MACROD2: variants seen among roughly 807,000 people sequenced by gnomAD.
MACROD2 encodes mono-ADP ribosylhydrolase 2.
Under a neutral mutation model 70.4 loss-of-function variants are expected in MACROD2, and 36 were observed. The observed-to-expected ratio is 0.51, with a 90% confidence interval of 0.39 to 0.68. The LOEUF (loss-of-function observed/expected upper bound fraction) is 0.68. Ranked by LOEUF, MACROD2 falls within the 30% of genes least tolerant of loss-of-function variation. The probability of loss-of-function intolerance (pLI) is 0.00; values close to 1 mark genes in which losing one functional copy is unlikely to be tolerated. For synonymous variants in MACROD2, 172 were observed against 178.8 expected (o/e 0.96, Z 0.30); for missense variants, 496 against 538.4 (o/e 0.92, Z 0.78).
At chr20:14,064,682 T>A (rs2053734650) in intron 2 of MACROD2, among the ~76,000 whole-genome samples, 1 of 152,192 alleles carries the variant, frequency 6.6e-6, no homozygotes, top group Non-Finnish European at 1.5e-5. Context: ...GAGATCTGTG[T>A]TTCCATTTAG....
intron 8 of MACROD2, among the ~76,000 whole-genome samples, chr20:15,514,690 C>A (rs1490089567): frequency 1.3e-5 from 2 of 152,150 alleles, no homozygotes; most frequent in African/African-American, 2.4e-5. Flanking sequence ...GTATTGAGTG[C>A]TTCCTTTGTC....
chr20:15,121,462 G>A (rs1349628875), intron 5 of MACROD2, among the ~76,000 whole-genome samples: 4 of 144,604 alleles, frequency 2.8e-5, no homozygotes, highest in African/African-American at 5.2e-5. Flanking sequence ...GCAGTGAGCC[G>A]AGATCGAGCC....
chr20:15,421,105 C>T (rs549764996), intron 6 of MACROD2, among the ~76,000 whole-genome samples: 15 of 152,124 alleles, frequency 9.9e-5, no homozygotes, highest in East Asian at 9.7e-4. Context: ...CACAAGGGTG[C>T]GGTGGCTCAT....
intron 4 of MACROD2, among the ~76,000 whole-genome samples, chr20:14,544,573 T>C (rs560877423): frequency 6.6e-6 from 1 of 152,278 alleles, no homozygotes; most frequent in East Asian, 1.9e-4. Flanking sequence ...GCAATGATGA[T>C]GATGGTGATA....
chr20:14,892,476 T>A (rs982021117), intron 5 of MACROD2, among the ~76,000 whole-genome samples: 8 of 152,022 alleles, frequency 5.3e-5, no homozygotes, highest in Non-Finnish European at 1.2e-4. Flanking sequence ...AAACAAAAAA[T>A]CTAATGTAGA....
Position 15,429,336 on chromosome 20 carries a change from T to A in MACROD2, c.541-2069T>A, listed in dbSNP as rs1244310392. 2.0e-5 allele frequency among the ~76,000 whole-genome samples: 3 copies of A among 152,158 alleles called. No individual in the cohort carries two copies. In the South Asian group the frequency reaches 6.2e-4, roughly 32 times the overall value. On this transcript the variant is annotated intron_variant, in intron 6 of 17. Coordinates refer to ENST00000684519, the MANE Select transcript of MACROD2 (RefSeq NM_001351661.2). ...CAGAATCAAAGCATTGACTCATAAATTTAATTTAAAAAGAGCAGCTACTAT... is the reference window on the plus strand; with the variant it reads ...CAGAATCAAAGCATTGACTCATAAAATTAATTTAAAAAGAGCAGCTACTAT...
At chr20:14,907,324 C>T (rs2073970952) in intron 5 of MACROD2, among the ~76,000 whole-genome samples, 1 of 152,206 alleles carries the variant, frequency 6.6e-6, no homozygotes, top group African/African-American at 2.4e-5. Flanking sequence ...AGGAGCAGTG[C>T]CTCTGCTGCT....
intron 4 of MACROD2, among the ~76,000 whole-genome samples, chr20:14,644,676 A>G (rs1985285962): frequency 6.6e-6 from 1 of 152,214 alleles, no homozygotes. Flanking sequence ...ACTAATGTTT[A>G]TATGACAGAA....
At chr20:14,919,366 C>T (rs2074132925) in intron 5 of MACROD2, among the ~76,000 whole-genome samples, 1 of 152,040 alleles carries the variant, frequency 6.6e-6, no homozygotes, top group South Asian at 2.1e-4. Flanking sequence ...CATGTTTTCC[C>T]TTTATTTATC....
chr20:15,519,214 C>T (rs2047616606), intron 8 of MACROD2, among the ~76,000 whole-genome samples: 1 of 152,134 alleles, frequency 6.6e-6, no homozygotes, highest in Admixed American at 6.5e-5. Context: ...GGGTTCACAC[C>T]ATTCTCCTGT....
intron 6 of MACROD2, among the ~76,000 whole-genome samples, chr20:15,416,637 G>T (rs2046154118): frequency 6.6e-6 from 1 of 152,178 alleles, no homozygotes; most frequent in Admixed American, 6.5e-5. Flanking sequence ...GGGCAAGGTG[G>T]CTCACGCCTG....
At chr20:15,657,988 C>T (rs1424306242) in intron 8 of MACROD2, among the ~76,000 whole-genome samples, 2 of 152,090 alleles carry the variant, frequency 1.3e-5, no homozygotes, top group Non-Finnish European at 2.9e-5. Context: ...AGCTAAACTC[C>T]ATTTCAAAAA....
At chr20:15,922,095 A>T (rs1216003288) in intron 10 of MACROD2, among the ~76,000 whole-genome samples, 1 of 152,210 alleles carries the variant, frequency 6.6e-6, no homozygotes, top group Non-Finnish European at 1.5e-5. Flanking sequence ...CAGGCCGCAT[A>T]TTCAAGAGAA....
intron 5 of MACROD2, among the ~76,000 whole-genome samples, chr20:14,729,771 G>T (rs969611632): frequency 1.3e-5 from 2 of 151,716 alleles, no homozygotes; most frequent in Non-Finnish European, 2.9e-5. Flanking sequence ...AGTTAAAATG[G>T]TCACAAACTC....
At chr20:15,120,075 G>A (rs1267963665) in intron 5 of MACROD2, among the ~76,000 whole-genome samples, 1 of 152,168 alleles carries the variant, frequency 6.6e-6, no homozygotes, top group East Asian at 1.9e-4. Context: ...GCTGCTGCTT[G>A]CACTTTAGAT....
At chr20:15,162,080 A>G (rs368045633) in intron 5 of MACROD2, among the ~76,000 whole-genome samples, 1 of 152,218 alleles carries the variant, frequency 6.6e-6, no homozygotes, top group African/African-American at 2.4e-5. Flanking sequence ...CTAACAGTAG[A>G]AGGGACTAAA....
chr20:15,927,574 G>A (rs1003543478), intron 10 of MACROD2, among the ~76,000 whole-genome samples: 15 of 152,144 alleles, frequency 9.9e-5, no homozygotes, highest in Admixed American at 1.3e-4. Context: ...GGTTATGTGT[G>A]TGAGGTGTGT....
chr20:15,759,163 A>AAAC (rs1258795201), intron 8 of MACROD2, among the ~76,000 whole-genome samples: 6 of 151,264 alleles, frequency 4.0e-5, no homozygotes, highest in African/African-American at 1.2e-4. Flanking sequence ...AAAAAAAAAA[A>AAAC]AAACAGAAAT....
intron 8 of MACROD2, among the ~76,000 whole-genome samples, chr20:15,663,621 A>G (rs911005853): frequency 6.7e-6 from 1 of 148,848 alleles, no homozygotes; most frequent in African/African-American, 2.4e-5. Flanking sequence ...CACAACAGAC[A>G]GAAAAAAAAA....
Sources: gnomAD v4.1 joint callset for allele counts (sites outside exome capture counted in the v4.1 genomes callset) on GRCh38, gnomAD v4.1.1 for gene constraint, MANE v1.5 for transcripts, NCBI Gene and HGNC (gene_info 2026-07-23, HGNC 2026-07-21) for gene names.